SLC23A2: variants seen among roughly 807,000 people sequenced by gnomAD.
The protein encoded by SLC23A2 is solute carrier family 23 member 2.
SLC23A2 carries 36 observed loss-of-function variants against 73.3 expected under a neutral mutation model. That is an observed-to-expected ratio of 0.49 (90% CI 0.38 to 0.65). The LOEUF is 0.65. Ranked by LOEUF, SLC23A2 falls within the 30% of genes least tolerant of loss-of-function variation. SLC23A2 has a pLI of 0.00. For synonymous variants in SLC23A2, 343 were observed against 327.3 expected, an observed-to-expected ratio of 1.05 and a Z score of -0.52; for missense variants, 507 against 841.6, an observed-to-expected ratio of 0.60 and a Z score of 4.92.
chr20:5,008,341 G>A (rs1332444500), intron 1 of SLC23A2, among the ~76,000 whole-genome samples: 1 of 152,008 alleles, frequency 6.6e-6, no homozygotes. Context: ...GCGTTTAAAT[G>A]CACACACCCT....
chr20:4,867,901 G>GA, intron 12 of SLC23A2, 26 bp from the exon 13 acceptor site: 11 of 1,321,364 alleles, frequency 8.3e-6, no homozygotes, highest in Non-Finnish European at 1.2e-5. Flanking sequence ...ATGGAGGAAA[G>GA]AAAATCATTC....
chr20:4,922,866 T>C (rs942902182), intron 3 of SLC23A2, among the ~76,000 whole-genome samples: 3 of 145,474 alleles, frequency 2.1e-5, no homozygotes, highest in South Asian at 4.4e-4. Flanking sequence ...CACACACAAG[T>C]AAGAGATGGC....
chr20:4,966,581 C>T (rs1190476918), intron 2 of SLC23A2, among the ~76,000 whole-genome samples: 1 of 152,126 alleles, frequency 6.6e-6, no homozygotes, highest in Non-Finnish European at 1.5e-5. Flanking sequence ...TGTTGAAATA[C>T]TATTTTTAAT....
intron 1 of SLC23A2, among the ~76,000 whole-genome samples, chr20:4,988,562 C>G (rs146832922): frequency 2.6e-4 from 39 of 151,496 alleles, no homozygotes; most frequent in African/African-American, 9.2e-4. Context: ...ATAGTGAAAC[C>G]CTGTCTCTAT....
intron 2 of SLC23A2, among the ~76,000 whole-genome samples, chr20:4,962,177 A>G (rs2087402196): frequency 6.6e-6 from 1 of 152,010 alleles, no homozygotes; most frequent in South Asian, 2.1e-4. Flanking sequence ...AGCTGAGCCC[A>G]GAACTCATAA....
In SLC23A2 at chr20:4,855,299, T is replaced by C. The variant is rs1305824130; in HGVS notation, c.*1673A>G. The C allele has an allele frequency of 1.3e-5, 2 of 152,382 alleles. No individual in the cohort carries two copies. The highest frequency in any genetic ancestry group is 2.4e-5 in the African/African-American group (1 of 41,550). The allele number at this position is 152,382 out of a possible 1,614,324, so 9.4% of individuals were successfully genotyped here. Reference sequence around the variant, plus strand: ...AGCCTGGGGCCGAGGGGGACAGGAATGCACCGTGTGGACACCAGGCTGCCA... The same window carrying C: ...AGCCTGGGGCCGAGGGGGACAGGAACGCACCGTGTGGACACCAGGCTGCCA... On this transcript the variant is annotated 3_prime_UTR_variant, in exon 17 of 17. Transcript: ENST00000338244.
intron 6 of SLC23A2, among the ~76,000 whole-genome samples, chr20:4,897,641 T>C (rs1931593713): frequency 6.6e-6 from 1 of 152,164 alleles, no homozygotes; most frequent in Admixed American, 6.5e-5. Flanking sequence ...GGTAGTTCTG[T>C]TTAGGTCTTG....
chr20:4,861,514 A>G (rs1435017688), intron 15 of SLC23A2, among the ~76,000 whole-genome samples: 1 of 152,220 alleles, frequency 6.6e-6, no homozygotes, highest in African/African-American at 2.4e-5. Context: ...AGGAGGAGTT[A>G]AAAAGGTTAA....
intron 1 of SLC23A2, among the ~76,000 whole-genome samples, 173 bp downstream of exon 1, chr20:5,001,233 G>A (rs2088118301): frequency 6.7e-6 from 1 of 149,990 alleles, no homozygotes; most frequent in African/African-American, 2.4e-5. Flanking sequence ...GCGGGCGCGG[G>A]GTCCCGGGAG....
At chr20:4,982,990 A>G (rs1359847791) in intron 1 of SLC23A2, among the ~76,000 whole-genome samples, 3 of 152,176 alleles carry the variant, frequency 2.0e-5, no homozygotes, top group African/African-American at 7.2e-5. Flanking sequence ...CTGTAATCCC[A>G]GCTACTCGGG....
chr20:4,999,594 G>T (rs1486493176), intron 1 of SLC23A2, among the ~76,000 whole-genome samples: 1 of 151,020 alleles, frequency 6.6e-6, no homozygotes, highest in Non-Finnish European at 1.5e-5. Flanking sequence ...AGTCTTGCTG[G>T]GTTGCCTAGG....
chr20:4,895,308 C>T (rs1023636600), intron 6 of SLC23A2, among the ~76,000 whole-genome samples: 4 of 152,182 alleles, frequency 2.6e-5, no homozygotes, highest in African/African-American at 9.7e-5. Context: ...CAGGCCTGCA[C>T]GCCCGGCTGC....
At chr20:4,900,088 G>A (rs1931690321) in intron 5 of SLC23A2, among the ~76,000 whole-genome samples, 1 of 151,824 alleles carries the variant, frequency 6.6e-6, no homozygotes, top group Non-Finnish European at 1.5e-5. Context: ...CAAAGCTGGT[G>A]TCAAACACCT....
chr20:4,922,247 A>G (rs1932520738), intron 3 of SLC23A2, among the ~76,000 whole-genome samples: 1 of 152,196 alleles, frequency 6.6e-6, no homozygotes, highest in African/African-American at 2.4e-5. Flanking sequence ...GAAGTGCAAA[A>G]GGCACAGGCA....
chr20:4,987,201 T>C (rs1012945930), intron 1 of SLC23A2, among the ~76,000 whole-genome samples: 7 of 152,062 alleles, frequency 4.6e-5, no homozygotes, highest in Non-Finnish European at 7.4e-5. Context: ...AAAATCGATA[T>C]TGCTAACTTA....
intron 16 of SLC23A2, among the ~76,000 whole-genome samples, chr20:4,858,310 G>A (rs1446791649): frequency 1.3e-5 from 2 of 152,328 alleles, no homozygotes; most frequent in East Asian, 3.9e-4. Context: ...GGAAGCTCAT[G>A]ACTTTTTTTT....
chr20:4,906,523 G>C (rs1170173379), intron 4 of SLC23A2, among the ~76,000 whole-genome samples: 1 of 152,134 alleles, frequency 6.6e-6, no homozygotes, highest in East Asian at 1.9e-4. Flanking sequence ...GGGAGGCTGA[G>C]GCAGGAGAAT....
At chr20:4,980,096 A>G (rs897249875) in intron 1 of SLC23A2, among the ~76,000 whole-genome samples, 4 of 152,150 alleles carry the variant, frequency 2.6e-5, no homozygotes, top group African/African-American at 9.7e-5. Context: ...TCCATTCTTC[A>G]CTCAAATTGG....
At chr20:4,865,286 C>T (rs902156597) in intron 13 of SLC23A2, among the ~76,000 whole-genome samples, 1 of 152,116 alleles carries the variant, frequency 6.6e-6, no homozygotes, top group Non-Finnish European at 1.5e-5. Context: ...TGACGGCCAG[C>T]GAGATAGTAC....
Sources: allele counts gnomAD v4.1 joint callset (sites outside exome capture counted in the v4.1 genomes callset), GRCh38; gene constraint gnomAD v4.1.1; transcripts MANE v1.5; gene names NCBI Gene and HGNC (gene_info 2026-07-23, HGNC 2026-07-21).